Variants in KBTBD12 observed in about 807,000 individuals in gnomAD.
The protein encoded by KBTBD12 is kelch repeat and BTB domain containing 12.
A neutral mutation model predicts 58.7 loss-of-function variants in KBTBD12; 53 were observed. The ratio of observed to expected loss-of-function variants is 0.90; its 90% confidence interval spans 0.72 to 1.14. The LOEUF (loss-of-function observed/expected upper bound fraction) is 1.14. Ranked by LOEUF, KBTBD12 falls within the 50% of genes most tolerant of loss-of-function variation. The pLI is 0.00. For synonymous variants in KBTBD12, 236 were observed against 259.8 expected (o/e 0.91, Z 0.88); for missense variants, 704 against 751.3 (o/e 0.94, Z 0.74).
At chr3:127,957,769 G>A (rs1429503950) in intron 4 of KBTBD12, among the ~76,000 whole-genome samples, 2 of 152,198 alleles carry the variant, frequency 1.3e-5, no homozygotes, top group African/African-American at 2.4e-5. Flanking sequence ...GAAAGTGTTG[G>A]GGATACAGAT....
At chr3:127,969,679 A>G (rs1222129528) in intron 5 of KBTBD12, among the ~76,000 whole-genome samples, 2 of 152,224 alleles carry the variant, frequency 1.3e-5, no homozygotes, top group African/African-American at 4.8e-5. Context: ...ATTTCAGTCA[A>G]CTGATTTTCA....
chr3:127,982,065 T>C (rs1292533713), intron 5 of KBTBD12, among the ~76,000 whole-genome samples: 1 of 152,054 alleles, frequency 6.6e-6, no homozygotes. Flanking sequence ...CTTCCCCACC[T>C]CTCTCTGTGT....
chr3:127,966,577 G>A (rs977072493), intron 5 of KBTBD12, among the ~76,000 whole-genome samples: 1 of 152,192 alleles, frequency 6.6e-6, no homozygotes, highest in Non-Finnish European at 1.5e-5. Context: ...TTCTCACAAA[G>A]CAGAACAAAA....
rs564240231 is a variant in KBTBD12, at chr3:127,985,668, C to G, written c.*1390C>G. On this transcript the variant is annotated 3_prime_UTR_variant, in exon 6 of 6. Transcript: ENST00000405109. ...CAGGCAGGTCTTGCCAAAACTGGAGCCTGTTGGAAACCTATTTCTGCCACC... is the reference window on the plus strand; with the variant it reads ...CAGGCAGGTCTTGCCAAAACTGGAGGCTGTTGGAAACCTATTTCTGCCACC... 2.6e-5 allele frequency: 4 copies of G among 152,424 alleles called. No homozygotes were observed. Among genetic ancestry groups the G allele is most frequent in the East Asian group, 1.9e-4 (1 of 5,164 alleles). 9.4% of individuals were successfully genotyped at this position (152,424 alleles called of 1,614,324 possible). A position where few individuals can be genotyped will look rare whatever the true frequency, so the allele number is the denominator to read the frequency against.
At chr3:127,968,959 A>T (rs1940636513) in intron 5 of KBTBD12, among the ~76,000 whole-genome samples, 1 of 152,216 alleles carries the variant, frequency 6.6e-6, no homozygotes, top group South Asian at 2.1e-4. Flanking sequence ...AAGGGTATTT[A>T]TGAAAAATCT....
intron 5 of KBTBD12, among the ~76,000 whole-genome samples, chr3:127,968,111 A>G (rs1473773342): frequency 6.6e-6 from 1 of 152,216 alleles, no homozygotes; most frequent in Non-Finnish European, 1.5e-5. Context: ...TGGCATAATA[A>G]CTGGCATAAA....
intron 5 of KBTBD12, among the ~76,000 whole-genome samples, chr3:127,971,917 G>T (rs1940689875): frequency 6.6e-6 from 1 of 152,144 alleles, no homozygotes; most frequent in South Asian, 2.1e-4. Flanking sequence ...CATCTGTCCA[G>T]CAAGAACTTC....
At chr3:127,957,733 T>G (rs1015901295) in intron 4 of KBTBD12, among the ~76,000 whole-genome samples, 2 of 152,204 alleles carry the variant, frequency 1.3e-5, no homozygotes, top group African/African-American at 4.8e-5. Context: ...TCAGTGTTTG[T>G]GTCTTCACTG....
chr3:127,970,793 T>C (rs1390311113), intron 5 of KBTBD12, among the ~76,000 whole-genome samples: 1 of 152,050 alleles, frequency 6.6e-6, no homozygotes, highest in East Asian at 1.9e-4. Flanking sequence ...AAAGGGTGAA[T>C]GGGTAGTGAC....
At chr3:127,945,765 G>A (rs1431056046) in intron 4 of KBTBD12, among the ~76,000 whole-genome samples, 1 of 147,668 alleles carries the variant, frequency 6.8e-6, no homozygotes, top group Non-Finnish European at 1.5e-5. Flanking sequence ...TACAACCTCC[G>A]CTTCCCAGGT....
intron 5 of KBTBD12, among the ~76,000 whole-genome samples, chr3:127,972,276 G>A (rs1300040855): frequency 1.3e-5 from 2 of 152,110 alleles, no homozygotes; most frequent in African/African-American, 4.8e-5. Context: ...TAGATAGTCT[G>A]GCCCCAAAGT....
chr3:127,934,948 C>T (rs1939794239), intron 4 of KBTBD12, among the ~76,000 whole-genome samples: 1 of 152,098 alleles, frequency 6.6e-6, no homozygotes, highest in African/African-American at 2.4e-5. Flanking sequence ...TGATGCTAGA[C>T]AGTAACCTGT....
At position 127,922,968 on chromosome 3, in the gene KBTBD12, T is replaced by C; in HGVS notation, c.-94T>C. Reference sequence around the variant, plus strand: ...CCCTTAGAAATGTTTCCTGACATCTTTGTAGCTTCATGAGTAATCAGACAT... The same window carrying C: ...CCCTTAGAAATGTTTCCTGACATCTCTGTAGCTTCATGAGTAATCAGACAT... On this transcript the variant is annotated 5_prime_UTR_variant, in exon 2 of 6. Coordinates refer to ENST00000405109, the MANE Select transcript of KBTBD12 (RefSeq NM_207335.4). 1 of 714,648 alleles carries C rather than the reference T, an allele frequency of 1.4e-6. No individual in the cohort carries two copies. 44.3% of individuals were successfully genotyped at this position (714,648 alleles called of 1,614,324 possible).
chr3:127,975,051 A>T (rs1168954664), intron 5 of KBTBD12, among the ~76,000 whole-genome samples: 1 of 152,168 alleles, frequency 6.6e-6, no homozygotes, highest in East Asian at 1.9e-4. Context: ...TTTGAGTGCA[A>T]ATAGTTTTTT....
intron 1 of KBTBD12, among the ~76,000 whole-genome samples, chr3:127,920,094 A>G (rs541799574): frequency 5.3e-5 from 8 of 152,188 alleles, no homozygotes; most frequent in African/African-American, 1.4e-4. Flanking sequence ...ATTACCCTTC[A>G]TGTCTTTATA....
At chr3:127,952,162 A>G (rs1219662762) in intron 4 of KBTBD12, among the ~76,000 whole-genome samples, 2 of 152,248 alleles carry the variant, frequency 1.3e-5, no homozygotes, top group Non-Finnish European at 2.9e-5. Flanking sequence ...GTGATTTCAT[A>G]TATTGTCTCA....
intron 2 of KBTBD12, among the ~76,000 whole-genome samples, 166 bp from the exon 3 acceptor site, chr3:127,927,598 T>TA (rs926012076): frequency 2.0e-4 from 30 of 150,826 alleles, no homozygotes; most frequent in Non-Finnish European, 2.7e-4. Flanking sequence ...CATTATTCCT[T>TA]AAAAAAAAAG....
intron 3 of KBTBD12, among the ~76,000 whole-genome samples, chr3:127,929,871 G>A (rs550617452): frequency 6.6e-6 from 1 of 151,648 alleles, no homozygotes; most frequent in East Asian, 1.9e-4. Flanking sequence ...AAAAAAAGCT[G>A]TAATGAATGT....
chr3:127,943,855 T>C (rs540873845), intron 4 of KBTBD12, among the ~76,000 whole-genome samples: 1 of 152,314 alleles, frequency 6.6e-6, no homozygotes, highest in South Asian at 2.1e-4. Context: ...TTTGAGTTGC[T>C]TTTTGTGTAT....
Sources: gnomAD v4.1 joint callset for allele counts (sites outside exome capture counted in the v4.1 genomes callset) on GRCh38, gnomAD v4.1.1 for gene constraint, MANE v1.5 for transcripts, NCBI Gene and HGNC (gene_info 2026-07-23, HGNC 2026-07-21) for gene names.